The following MRTFB variants were observed in gnomAD, a reference collection of about 807,000 sequenced individuals.
MRTFB encodes myocardin related transcription factor B.
In MRTFB, 29 loss-of-function variants were observed where a neutral mutation model predicts 104.2. The observed-to-expected ratio is 0.28, with a 90% CI of 0.21 to 0.38. The LOEUF is 0.38. Among genes scored for constraint, MRTFB ranks in the 10% least tolerant of loss-of-function variants. The probability of loss-of-function intolerance (pLI) is 1.00; values close to 1 mark genes in which losing one functional copy is unlikely to be tolerated. For synonymous variants in MRTFB, 535 were observed against 519.5 expected, an observed-to-expected ratio of 1.03 and a Z score of -0.41; for missense variants, 1,270 against 1,341.6, an observed-to-expected ratio of 0.95 and a Z score of 0.83.
intron 3 of MRTFB, among the ~76,000 whole-genome samples, chr16:14,162,360 G>GTT (rs201434158): frequency 4.0e-5 from 6 of 151,352 alleles, no homozygotes; most frequent in African/African-American, 9.7e-5. Context: ...AAGATGATGG[G>GTT]TTTTTTTTAA....
rs989058068 is a variant in MRTFB, at chr16:14,257,547, A to G, written c.2704-554A>G. ...GAATCCATTCATATAAAACTAATCT[A>G]TAGTGAAAGCAAACAGATCCGGGGG... is the stretch of plus-strand genomic sequence containing the variant. On this transcript the variant is annotated intron_variant, in intron 15 of 16. Coordinates refer to ENST00000571589, the MANE Select transcript of MRTFB (RefSeq NM_001308142.2). Among the ~76,000 whole-genome samples, 3 of 152,214 alleles carry G rather than the reference A, an allele frequency of 2.0e-5. No individual in the cohort carries two copies. The South Asian group carries it at 6.2e-4, about 32-fold the overall frequency.
At chr16:14,031,509 A>T in the MRTFB span, among the ~76,000 whole-genome samples, 1 of 152,188 alleles carries the variant, frequency 6.6e-6, no homozygotes, top group Admixed American at 6.5e-5. Flanking sequence ...CAGATCCATG[A>T]TTAAATGAGT....
chr16:14,022,418 G>A, the MRTFB span, among the ~76,000 whole-genome samples: 1 of 151,246 alleles, frequency 6.6e-6, no homozygotes, highest in Non-Finnish European at 1.5e-5. Flanking sequence ...CTTTTTTTTT[G>A]AGACAGTCTT....
At chr16:14,259,172 T>A (rs1272997822) in intron 16 of MRTFB, among the ~76,000 whole-genome samples, 1 of 152,210 alleles carries the variant, frequency 6.6e-6, no homozygotes, top group Non-Finnish European at 1.5e-5. Flanking sequence ...CCGTGGCTTA[T>A]GCCTATAATC....
At position 14,177,382 on chromosome 16, in the gene MRTFB, A is replaced by G. The variant is rs1393672552; in HGVS notation, c.155-32861A>G. Among the ~76,000 whole-genome samples, 1 of 152,230 alleles carries G rather than the reference A, an allele frequency of 6.6e-6. No individual in the cohort carries two copies. Among genetic ancestry groups the G allele is most frequent in the Non-Finnish European group, 1.5e-5 (1 of 68,028 alleles). ...GGCATGGTTTTTAAGTGCATTGTCC[A>G]GAGCTGGACCAACCTGAGGTCTAGG... On this transcript the variant is annotated intron_variant, in intron 3 of 16. Transcript: ENST00000571589. The surrounding 1 kb of genome is among the most constrained non-coding windows in gnomAD (Gnocchi z 4.7).
chr16:14,081,646 C>G (rs2034413478), intron 2 of MRTFB, among the ~76,000 whole-genome samples: 1 of 151,834 alleles, frequency 6.6e-6, no homozygotes, highest in Non-Finnish European at 1.5e-5. Flanking sequence ...GTGGTGCAAT[C>G]ACGGCTCACT....
At chr16:14,104,577 G>A (rs946491374) in intron 2 of MRTFB, among the ~76,000 whole-genome samples, 1 of 152,088 alleles carries the variant, frequency 6.6e-6, no homozygotes, top group Non-Finnish European at 1.5e-5. Flanking sequence ...CAAAGTGTTG[G>A]GGTTTCGCTT....
the MRTFB span, among the ~76,000 whole-genome samples, chr16:13,998,190 G>C: frequency 2.6e-5 from 4 of 152,130 alleles, no homozygotes; most frequent in East Asian, 1.9e-4. Context: ...CAGGTGTAGA[G>C]TGCGAATTTT....
Position 14,085,457 on chromosome 16 carries a change from CAAAAAAA to C in MRTFB, c.-64+6115_-64+6121del, listed in dbSNP as rs386384321. Among the ~76,000 whole-genome samples the C allele has an allele frequency of 1.1e-4, 7 of 61,872 alleles. No homozygotes were observed. The Admixed American group carries it at 1.2e-3, about 11-fold the overall frequency. The allele number at this position is 61,872 out of a possible 152,430, so 40.6% of individuals were successfully genotyped here. A position where few individuals can be genotyped will look rare whatever the true frequency, so the allele number is the denominator to read the frequency against. On this transcript the variant is annotated intron_variant, in intron 2 of 16. Coordinates refer to ENST00000571589, the MANE Select transcript of MRTFB (RefSeq NM_001308142.2). ...GGGCAATAAGAGTGAAATTCCATCT[CAAAAAAA>C]AAAAAAAAAAAGCGAAAAGGAAAAT...
the MRTFB span, among the ~76,000 whole-genome samples, chr16:14,040,341 G>T: frequency 6.6e-6 from 1 of 152,238 alleles, no homozygotes; most frequent in Non-Finnish European, 1.5e-5. Flanking sequence ...AAATTGCTGG[G>T]TTATAGAATA....
chr16:14,228,787 A>G (rs2042125763), intron 8 of MRTFB, among the ~76,000 whole-genome samples: 1 of 78,738 alleles, frequency 1.3e-5, no homozygotes, highest in African/African-American at 3.8e-5. Flanking sequence ...ATGAAACTCT[A>G]GCTCATGTTC....
At chr16:14,042,347 C>T in the MRTFB span, among the ~76,000 whole-genome samples, 1 of 152,198 alleles carries the variant, frequency 6.6e-6, no homozygotes, top group African/African-American at 2.4e-5. Flanking sequence ...CTAGTCTGAA[C>T]TCCTGACCTC....
intron 6 of MRTFB, among the ~76,000 whole-genome samples, chr16:14,214,320 G>C (rs551630666): frequency 1.3e-5 from 2 of 152,256 alleles, no homozygotes; most frequent in East Asian, 3.9e-4. Context: ...TTGATTCTGT[G>C]GTAGTCTTGG....
intron 9 of MRTFB, among the ~76,000 whole-genome samples, chr16:14,237,151 T>C (rs1311028350): frequency 1.3e-5 from 2 of 152,110 alleles, no homozygotes; most frequent in Non-Finnish European, 2.9e-5. Flanking sequence ...AGGTTGGGAA[T>C]AGAAATGTGG....
At chr16:14,227,505 C>T (rs2042060924) in intron 8 of MRTFB, among the ~76,000 whole-genome samples, 2 of 151,894 alleles carry the variant, frequency 1.3e-5, no homozygotes, top group Non-Finnish European at 2.9e-5. Flanking sequence ...TATCCAGCCT[C>T]AATTTTTTTT....
chr16:14,189,559 C>T (rs1037149831), intron 3 of MRTFB, among the ~76,000 whole-genome samples: 3 of 152,136 alleles, frequency 2.0e-5, no homozygotes, highest in African/African-American at 2.4e-5. Context: ...ATAGTTTATA[C>T]TTCATGTTTT....
the MRTFB span, among the ~76,000 whole-genome samples, chr16:14,028,320 C>G: frequency 1.4e-3 from 214 of 152,304 alleles, no homozygotes; most frequent in Non-Finnish European, 2.7e-3. Flanking sequence ...CCCAGGTCTT[C>G]CAGCTCGAGT....
chr16:14,087,797 C>G (rs937256268), intron 2 of MRTFB, among the ~76,000 whole-genome samples: 1 of 152,114 alleles, frequency 6.6e-6, no homozygotes, highest in African/African-American at 2.4e-5. Flanking sequence ...CTTCCTTTTT[C>G]TTTTACCTTA....
rs566176306 is a variant in MRTFB, at chr16:14,152,495, T to A, written c.154+11735T>A. The A allele has an allele frequency of 5.9e-5, 9 of 152,250 alleles. No homozygotes were observed. The South Asian group carries it at 1.9e-3, about 32-fold the overall frequency. The allele number at this position is 152,250 out of a possible 1,614,324, so 9.4% of individuals were successfully genotyped here. ...CTAGAGGGGGTGGATCTATAAGTTGTTTTTCAATTAATCTGGATCCTCTTA... is the reference window on the plus strand; with the variant it reads ...CTAGAGGGGGTGGATCTATAAGTTGATTTTCAATTAATCTGGATCCTCTTA... On this transcript the variant is annotated intron_variant, in intron 3 of 16. Transcript: ENST00000571589.
Sources: gnomAD v4.1 joint callset for allele counts (sites outside exome capture counted in the v4.1 genomes callset) on GRCh38, gnomAD v4.1.1 for gene constraint, Gnocchi (gnomAD v3.1) non-coding constraint, MANE v1.5 for transcripts, NCBI Gene and HGNC (gene_info 2026-07-23, HGNC 2026-07-21) for gene names.